Variants in RGSL1 observed in about 807,000 individuals in gnomAD.
RGSL1 encodes the protein regulator of G protein signaling protein-like.
RGSL1 carries 97 observed loss-of-function variants against 124.7 expected under a neutral mutation model. That is an observed-to-expected ratio of 0.78 (90% confidence interval 0.66 to 0.92). The LOEUF (loss-of-function observed/expected upper bound fraction) is 0.92. Ranked by LOEUF, RGSL1 falls within the 40% of genes least tolerant of loss-of-function variation. The pLI is 0.00. For synonymous variants in RGSL1, 424 were observed against 438.1 expected, an observed-to-expected ratio of 0.97 and a Z score of 0.40; for missense variants, 1,233 against 1,288.4, an observed-to-expected ratio of 0.96 and a Z score of 0.66.
intron 18 of RGSL1, among the ~76,000 whole-genome samples, chr1:182,552,736 C>T (rs914099653): frequency 6.6e-6 from 1 of 152,214 alleles, no homozygotes; most frequent in Non-Finnish European, 1.5e-5. Flanking sequence ...ATGACACTAA[C>T]ATCTGGCAAA....
intron 19 of RGSL1, 128 bp downstream of exon 19, chr1:182,553,669 G>A (rs955087834): frequency 1.2e-5 from 9 of 754,060 alleles, no homozygotes; most frequent in Non-Finnish European, 2.0e-5. Context: ...GTAACTTGCT[G>A]AAGATCACAT....
At chr1:182,530,434 G>A in intron 12 of RGSL1, 73 bp downstream of exon 12, 1 of 1,177,662 alleles carries the variant, frequency 8.5e-7, no homozygotes, top group Non-Finnish European at 1.2e-6. Flanking sequence ...TATGCATCAA[G>A]GGTTTCCTAA....
intron 12 of RGSL1, 123 bp downstream of exon 12, chr1:182,530,484 TA>T: frequency 1.3e-6 from 1 of 796,412 alleles, no homozygotes; most frequent in South Asian, 1.8e-5. Flanking sequence ...CTCTACAAAA[TA>T]AAAATTCAAA....
intron 9 of RGSL1, among the ~76,000 whole-genome samples, chr1:182,509,712 G>C (rs1657214013): frequency 7.2e-6 from 1 of 138,392 alleles, no homozygotes; most frequent in African/African-American, 2.8e-5. Context: ...TGGCCGGGCG[G>C]GGGGCTGACC....
At chr1:182,458,015 A>G (rs972679633) in intron 2 of RGSL1, among the ~76,000 whole-genome samples, 1 of 152,218 alleles carries the variant, frequency 6.6e-6, no homozygotes, top group African/African-American at 2.4e-5. Flanking sequence ...TTCTAATATC[A>G]TGGGCCTTGG....
At chr1:182,454,895 G>A (rs1360321124) in intron 2 of RGSL1, among the ~76,000 whole-genome samples, 1 of 152,082 alleles carries the variant, frequency 6.6e-6, no homozygotes, top group Non-Finnish European at 1.5e-5. Context: ...GACTCATCTT[G>A]ATGCACCCTT....
intron 2 of RGSL1, among the ~76,000 whole-genome samples, chr1:182,454,685 T>A (rs1652150619): frequency 6.6e-6 from 1 of 152,044 alleles, no homozygotes; most frequent in Admixed American, 6.6e-5. Context: ...GGATTATTTA[T>A]TCTGCTCTAC....
intron 10 of RGSL1, among the ~76,000 whole-genome samples, chr1:182,524,822 A>G (rs1445568073): frequency 1.3e-5 from 2 of 152,214 alleles, no homozygotes; most frequent in Non-Finnish European, 2.9e-5. Flanking sequence ...AGGCAGTGAT[A>G]CTAGTTGAGC....
chr1:182,528,998 G>A (rs1442841595), intron 11 of RGSL1, among the ~76,000 whole-genome samples: 1 of 152,010 alleles, frequency 6.6e-6, no homozygotes, highest in African/African-American at 2.4e-5. Flanking sequence ...TCTCCCACTA[G>A]CACAAGAACA....
At chr1:182,460,941 G>T (rs181908891) in intron 4 of RGSL1, among the ~76,000 whole-genome samples, 1 of 152,052 alleles carries the variant, frequency 6.6e-6, no homozygotes, top group Non-Finnish European at 1.5e-5. Context: ...CAGGAGCCAG[G>T]GTGGGCAAAA....
intron 15 of RGSL1, among the ~76,000 whole-genome samples, chr1:182,546,630 G>T (rs574286594): frequency 6.6e-6 from 1 of 152,280 alleles, no homozygotes; most frequent in African/African-American, 2.4e-5. Flanking sequence ...CTGACATCAT[G>T]ATCGCCTGCC....
At position 182,473,713 on chromosome 1, in the gene RGSL1, C is replaced by A. The variant is rs1170253575; in HGVS notation, c.602C>A (p.Thr201Asn). 6.4e-7 allele frequency: 1 copy of A among 1,551,782 alleles called. No individual in the cohort carries two copies. The highest frequency in any genetic ancestry group is 1.4e-5 in the African/African-American group (1 of 73,148). The change falls in exon 6 of 22, where the codon ACC (threonine) becomes AAC (asparagine). Residue 201 changes from threonine (T) to asparagine (N), a missense_variant. Thr to Asn is a moderately conservative substitution (Grantham distance 65, BLOSUM62 0). Coordinates refer to ENST00000294854, the MANE Select transcript of RGSL1 (RefSeq NM_001137669.2). ...AACTTTTACACCCACACCAAGATGA[C>A]CATGGCCAAGGAGGAAGCATGCCAT... ...LPNFYTHTKM[T>N]MAKEEACHGL...
intron 9 of RGSL1, among the ~76,000 whole-genome samples, chr1:182,509,448 C>A (rs1296436671): frequency 2.0e-4 from 8 of 39,868 alleles, no homozygotes; most frequent in Admixed American, 3.4e-4. Flanking sequence ...AGGGCTGACC[C>A]CCCCACCTCC....
intron 4 of RGSL1, among the ~76,000 whole-genome samples, chr1:182,466,227 A>G (rs546892123): frequency 1.8e-4 from 28 of 152,154 alleles, no homozygotes; most frequent in Non-Finnish European, 3.7e-4. Flanking sequence ...ATGACAAAAA[A>G]CTGAAAGCTT....
intron 9 of RGSL1, among the ~76,000 whole-genome samples, chr1:182,512,696 C>T (rs1657550637): frequency 6.6e-6 from 1 of 152,182 alleles, no homozygotes; most frequent in Non-Finnish European, 1.5e-5. Flanking sequence ...GTCTGGTGTC[C>T]AGCAAGAATC....
At chr1:182,509,834 C>T (rs1237907972) in intron 9 of RGSL1, among the ~76,000 whole-genome samples, 2 of 138,868 alleles carry the variant, frequency 1.4e-5, no homozygotes, top group African/African-American at 5.5e-5. Flanking sequence ...CCCCACCTCC[C>T]TCCCGGACGG....
At chr1:182,454,374 C>T (rs1236408013) in intron 2 of RGSL1, among the ~76,000 whole-genome samples, 3 of 152,162 alleles carry the variant, frequency 2.0e-5, no homozygotes, top group Non-Finnish European at 4.4e-5. Context: ...CCCTGGCATT[C>T]CCCCACCTCT....
intron 9 of RGSL1, among the ~76,000 whole-genome samples, chr1:182,494,590 G>A (rs982443472): frequency 6.6e-6 from 1 of 152,076 alleles, no homozygotes; most frequent in South Asian, 2.1e-4. Flanking sequence ...AGAACCTAAA[G>A]GTATAAAGAT....
intron 9 of RGSL1, among the ~76,000 whole-genome samples, chr1:182,505,399 T>C (rs1489533467): frequency 6.6e-6 from 1 of 151,962 alleles, no homozygotes; most frequent in Non-Finnish European, 1.5e-5. Context: ...ATGTGGACAA[T>C]TTAAAATGCC....
Sources: gnomAD v4.1 joint callset for allele counts (sites outside exome capture counted in the v4.1 genomes callset) on GRCh38, gnomAD v4.1.1 for gene constraint, MANE v1.5 for transcripts, NCBI Gene and HGNC (gene_info 2026-07-23, HGNC 2026-07-21) for gene names.